The following FRMPD4 variants were observed in gnomAD, a reference collection of about 807,000 sequenced individuals.
FRMPD4 encodes the protein FERM and PDZ domain containing 4.
In FRMPD4, 22 loss-of-function variants were observed where a neutral mutation model predicts 94.1. The observed-to-expected ratio is 0.23, with a 90% CI of 0.17 to 0.33. The LOEUF (loss-of-function observed/expected upper bound fraction) is 0.33, where lower values mean the gene tolerates loss of function less well. Among genes scored for constraint, FRMPD4 ranks in the 10% least tolerant of loss-of-function variants. FRMPD4 has a pLI of 1.00. For synonymous variants in FRMPD4, 631 were observed against 548.6 expected (o/e 1.15, Z -2.10); for missense variants, 1,111 against 1,339.9 (o/e 0.83, Z 2.67).
In FRMPD4 at chrX:12,473,751, A is replaced by G. The variant is rs1461755751; in HGVS notation, c.42-24929A>G. Among the ~76,000 whole-genome samples the G allele has an allele frequency of 2.7e-5, 3 of 110,773 alleles. 1 individual carries two copies. The highest frequency in any genetic ancestry group is 1.0e-4 in the African/African-American group (3 of 29,244). On this transcript the variant is annotated intron_variant, in intron 1 of 16. Transcript: ENST00000675598. ...ACATAATGGTAAAGGAATCAATTCAACAAGAAGAGCTAACTATCCTAAATA... is the reference window on the plus strand; with the variant it reads ...ACATAATGGTAAAGGAATCAATTCAGCAAGAAGAGCTAACTATCCTAAATA...
At chrX:12,615,162 T>C (rs746838548) in intron 4 of FRMPD4, among the ~76,000 whole-genome samples, 13 of 112,536 alleles carry the variant, frequency 1.2e-4, no homozygotes, top group Non-Finnish European at 2.1e-4. Context: ...GTTCATTTTT[T>C]CCTTCCAGAA....
At chrX:12,703,423 A>C (rs953086230) in intron 10 of FRMPD4, among the ~76,000 whole-genome samples, 5 of 112,481 alleles carry the variant, frequency 4.4e-5, no homozygotes, top group Non-Finnish European at 9.4e-5. Context: ...TGATCATGAA[A>C]TATACCATCT....
chrX:12,058,540 A>G (rs2054867258), intron 3 of FRMPD4, among the ~76,000 whole-genome samples: 1 of 111,445 alleles, frequency 9.0e-6, no homozygotes, highest in African/African-American at 3.3e-5. Flanking sequence ...ATAAATGCCA[A>G]TAAATAAGAA....
chrX:12,090,683 A>G (rs1451427571), intron 3 of FRMPD4, among the ~76,000 whole-genome samples: 1 of 111,712 alleles, frequency 9.0e-6, no homozygotes, highest in Non-Finnish European at 1.9e-5. Flanking sequence ...GAGTTTAAAA[A>G]CGAGATAAGG....
At chrX:12,018,444 T>C (rs1417312832) in intron 3 of FRMPD4, among the ~76,000 whole-genome samples, 2 of 110,226 alleles carry the variant, frequency 1.8e-5, no homozygotes, top group African/African-American at 6.6e-5. Context: ...GAGACAGACT[T>C]TTGCTCTTTG....
At chrX:12,569,522 C>G (rs1427647327) in intron 2 of FRMPD4, among the ~76,000 whole-genome samples, 4 of 106,152 alleles carry the variant, frequency 3.8e-5, no homozygotes, top group Non-Finnish European at 1.9e-5. Flanking sequence ...ATATTTTTTA[C>G]CCACTATTCA....
chrX:12,168,554 A>T (rs1269461180), intron 1 of FRMPD4, among the ~76,000 whole-genome samples: 1 of 108,336 alleles, frequency 9.2e-6, no homozygotes, highest in African/African-American at 3.4e-5. Flanking sequence ...ATAATAAGTT[A>T]GTTTAAGTTT....
chrX:12,360,957 GAAAAAAA>G (rs71871271), intron 1 of FRMPD4, among the ~76,000 whole-genome samples: 2 of 58,879 alleles, frequency 3.4e-5, no homozygotes, highest in Non-Finnish European at 6.4e-5. Context: ...GCCATGAAAA[GAAAAAAA>G]AAAAAAAAAA....
intron 3 of FRMPD4, among the ~76,000 whole-genome samples, chrX:11,997,949 G>T (rs1270517540): frequency 9.0e-6 from 1 of 111,569 alleles, no homozygotes; most frequent in African/African-American, 3.3e-5. Flanking sequence ...TTGTGTAAAA[G>T]TCACACTTTT....
intron 1 of FRMPD4, among the ~76,000 whole-genome samples, chrX:12,443,277 C>A (rs111899318): frequency 0.024 from 2,643 of 111,856 alleles, 91 homozygotes; most frequent in African/African-American, 0.082. Context: ...TATGTATATA[C>A]AACGCAAGCC....
chrX:11,896,413 G>C (rs1252268709), intron 3 of FRMPD4, among the ~76,000 whole-genome samples: 1 of 110,994 alleles, frequency 9.0e-6, no homozygotes, highest in Non-Finnish European at 1.9e-5. Flanking sequence ...GGAGGTGATT[G>C]GGTCATGAGG....
At chrX:12,419,477 T>TA (rs1195802385) in intron 1 of FRMPD4, among the ~76,000 whole-genome samples, 24 of 112,251 alleles carry the variant, frequency 2.1e-4, no homozygotes, top group African/African-American at 7.5e-4. Context: ...TTTAAATACA[T>TA]AAAAAATATT....
chrX:12,167,926 A>T (rs893362890), intron 1 of FRMPD4, among the ~76,000 whole-genome samples: 4 of 111,306 alleles, frequency 3.6e-5, no homozygotes, highest in Non-Finnish European at 7.5e-5. Flanking sequence ...TTCTCAGTGA[A>T]GGAGTAGGGG....
chrX:12,169,077 A>T (rs1444897256), intron 1 of FRMPD4, among the ~76,000 whole-genome samples: 1 of 112,387 alleles, frequency 8.9e-6, no homozygotes, highest in Non-Finnish European at 1.9e-5. Flanking sequence ...TAATGCCATT[A>T]TACAAACATG....
At chrX:12,100,198 TTAGA>T (rs1467685957) in intron 3 of FRMPD4, among the ~76,000 whole-genome samples, 1 of 112,187 alleles carries the variant, frequency 8.9e-6, no homozygotes, top group African/African-American at 3.2e-5. Flanking sequence ...AAACCTAATC[TTAGA>T]TAGAATCTCT....
At chrX:11,849,323 A>G (rs747312446) in intron 1 of FRMPD4, among the ~76,000 whole-genome samples, 92 of 112,018 alleles carry the variant, frequency 8.2e-4, no homozygotes, top group African/African-American at 2.6e-3. Flanking sequence ...GAGATTTAAT[A>G]TCATTAAGAT....
intron 3 of FRMPD4, among the ~76,000 whole-genome samples, chrX:11,988,185 T>G (rs771266923): frequency 1.8e-5 from 2 of 111,547 alleles, no homozygotes; most frequent in Non-Finnish European, 3.8e-5. Flanking sequence ...TGACTTCAAA[T>G]TATACTACCA....
At chrX:11,923,401 C>A (rs778540432) in intron 3 of FRMPD4, among the ~76,000 whole-genome samples, 1 of 111,989 alleles carries the variant, frequency 8.9e-6, no homozygotes, top group Non-Finnish European at 1.9e-5. Flanking sequence ...GCACCCCACC[C>A]CAAGCCAACA....
chrX:12,068,378 G>GT (rs58093008), intron 3 of FRMPD4, among the ~76,000 whole-genome samples: 106 of 110,413 alleles, frequency 9.6e-4, no homozygotes, highest in Middle Eastern at 4.6e-3. Flanking sequence ...TAAAAATTTT[G>GT]TTTTTTTTCA....
Sources: allele counts gnomAD v4.1 joint callset (sites outside exome capture counted in the v4.1 genomes callset), GRCh38; gene constraint gnomAD v4.1.1; transcripts MANE v1.5; gene names NCBI Gene and HGNC (gene_info 2026-07-23, HGNC 2026-07-21).